Variants in ZBTB44 observed in about 807,000 individuals in gnomAD.
ZBTB44 encodes zinc finger and BTB domain containing 44.
A neutral mutation model predicts 54.0 loss-of-function variants in ZBTB44; 15 were observed. The observed-to-expected ratio is 0.28, with a 90% CI of 0.19 to 0.43. ZBTB44 has a LOEUF of 0.43. Ranked by LOEUF, ZBTB44 falls within the 20% of genes least tolerant of loss-of-function variation. The pLI is 1.00. For missense variants in ZBTB44, 487 were observed against 707.1 expected (o/e 0.69, Z 3.53); for synonymous variants, 230 against 250.1 (o/e 0.92, Z 0.76).
intron 2 of ZBTB44, among the ~76,000 whole-genome samples, chr11:130,247,753 C>A (rs910199854): frequency 1.3e-5 from 2 of 151,986 alleles, no homozygotes; most frequent in African/African-American, 4.8e-5. Flanking sequence ...GAAAAAAAAA[C>A]CCACGTATTT....
intron 1 of ZBTB44, chr11:130,285,620 C>A: frequency 8.2e-6 from 2 of 245,014 alleles, no homozygotes; most frequent in South Asian, 1.3e-4. Flanking sequence ...TCTAAGCTTC[C>A]CATTCTGTTG....
At chr11:130,245,546 G>C (rs1270927244) in intron 2 of ZBTB44, among the ~76,000 whole-genome samples, 1 of 152,178 alleles carries the variant, frequency 6.6e-6, no homozygotes, top group Non-Finnish European at 1.5e-5. Flanking sequence ...ACAGACAAAG[G>C]CTTGCCCCAA....
intron 1 of ZBTB44, among the ~76,000 whole-genome samples, chr11:130,293,726 G>A (rs1941453850): frequency 6.6e-6 from 1 of 152,052 alleles, no homozygotes; most frequent in Admixed American, 6.6e-5. Flanking sequence ...AACCTGGGAG[G>A]CGGAGGTTGC....
rs1266969878 is a variant in ZBTB44 at position 130,227,123 on chromosome 11, A to ATC, written c.*4640_*4641insGA. The ATC allele has an allele frequency of 6.6e-6, 1 of 152,204 alleles. No homozygotes were observed. Among genetic ancestry groups the ATC allele is most frequent in the Non-Finnish European group, 1.5e-5 (1 of 68,040 alleles). 9.4% of individuals were successfully genotyped at this position (152,204 alleles called of 1,614,324 possible). On this transcript the variant is annotated 3_prime_UTR_variant, in exon 8 of 8. Coordinates refer to ENST00000357899, the MANE Select transcript of ZBTB44 (RefSeq NM_001301098.2). ...AAAGGTCACAAAAATATATATATAT[A>ATC]TGTAGTCACCAAGAACTATGGTTCC...
rs1592098641 is a variant in ZBTB44, at chr11:130,314,568, T to G, written c.-250A>C. 7 of 326 alleles carry G rather than the reference T, an allele frequency of 0.021. No homozygotes were observed. The highest frequency in any genetic ancestry group is 0.032 in the Non-Finnish European group (6 of 186). The allele number at this position is 326 out of a possible 1,614,324, so 0.0% of individuals were successfully genotyped here. ...GCCTAGGCCCGTGAGCAGCCTGTGG[T>G]GGGGCATGGCGGCACAGCCACCGGC... On this transcript the variant is annotated 5_prime_UTR_variant, in exon 1 of 8. Transcript: ENST00000357899.
chr11:130,261,735 C>T lies in ZBTB44; in HGVS notation c.139G>A (p.Val47Met). 1.9e-6 allele frequency: 3 copies of T among 1,614,018 alleles called. No homozygotes were observed. The highest frequency in any genetic ancestry group is 2.5e-6 in the Non-Finnish European group (3 of 1,179,900). The change falls in exon 2 of 8, where the codon GTG becomes ATG. Residue 47 changes from valine to methionine, a missense_variant. Coordinates refer to ENST00000357899, the MANE Select transcript of ZBTB44 (RefSeq NM_001301098.2). The surrounding 1 kb of genome is among the most constrained non-coding windows in gnomAD (Gnocchi z 4.8). ...AAATCACTGCAAGCTGCTAGTACCACCTTATGTGCCCGGAAGATTTTGTCC... is the reference window on the plus strand; with the variant it reads ...AAATCACTGCAAGCTGCTAGTACCATCTTATGTGCCCGGAAGATTTTGTCC... Reference protein sequence around the residue: ...VQDKIFRAHKVVLAACSDFFR... With the variant: ...VQDKIFRAHKMVLAACSDFFR...
chr11:130,238,426 CAG>C lies in ZBTB44; in HGVS notation c.1267+16_1267+17del. Reference sequence around the variant, plus strand: ...TTTAGAGCGTTCACTTACGCACCAACAGGGAAGGTGACATTACCTGAGTGGAT... The same window carrying C: ...TTTAGAGCGTTCACTTACGCACCAACGGAAGGTGACATTACCTGAGTGGAT... On this transcript the variant is annotated intron_variant, in intron 4 of 7. Coordinates refer to ENST00000357899, the MANE Select transcript of ZBTB44 (RefSeq NM_001301098.2). 6.3e-7 allele frequency: 1 copy of C among 1,597,222 alleles called. No individual in the cohort carries two copies. The highest frequency in any genetic ancestry group is 1.1e-5 in the South Asian group (1 of 87,998).
At chr11:130,248,737 T>C (rs1196840792) in intron 2 of ZBTB44, among the ~76,000 whole-genome samples, 1 of 152,168 alleles carries the variant, frequency 6.6e-6, no homozygotes, top group Non-Finnish European at 1.5e-5. Flanking sequence ...ATAGAATCCA[T>C]TTATAATAAT....
At chr11:130,271,659 G>A (rs1939679009) in intron 1 of ZBTB44, among the ~76,000 whole-genome samples, 1 of 152,138 alleles carries the variant, frequency 6.6e-6, no homozygotes, top group African/African-American at 2.4e-5. Flanking sequence ...CATGTATCAT[G>A]CCTCATTTAC....
Position 130,236,671 on chromosome 11 carries a change from C to G in ZBTB44, c.1568+122G>C, listed in dbSNP as rs1002816239. The stretch of plus-strand genomic sequence containing the variant: ...AGATTAGAGTATGAACAGTGGGAAT[C>G]CGTAACAAATGTGACTGACTAGCTG... On this transcript the variant is annotated intron_variant, in intron 5 of 7. Transcript: ENST00000357899. 9.5e-6 allele frequency: 10 copies of G among 1,048,554 alleles called. No homozygotes were observed. The African/African-American group carries it at 1.5e-4, about 16-fold the overall frequency. The allele number at this position is 1,048,554 out of a possible 1,614,324, so 65.0% of individuals were successfully genotyped here. A position where few individuals can be genotyped will look rare whatever the true frequency, so the allele number is the denominator to read the frequency against.
intron 3 of ZBTB44, chr11:130,239,449 C>A: frequency 4.4e-6 from 1 of 229,326 alleles, no homozygotes. Flanking sequence ...CAGTCTGTTT[C>A]AACCACTCAA....
chr11:130,240,643 C>T (rs1020199138), intron 2 of ZBTB44, among the ~76,000 whole-genome samples: 2 of 152,214 alleles, frequency 1.3e-5, no homozygotes, highest in African/African-American at 2.4e-5. Context: ...CACGAAAGCA[C>T]GGCCAGCATC....
At chr11:130,296,954 T>C in intron 1 of ZBTB44, 2 of 746,160 alleles carry the variant, frequency 2.7e-6, no homozygotes, top group Admixed American at 1.9e-5. Flanking sequence ...AGCGAGGAGG[T>C]GGTGGTGGAT....
At chr11:130,311,263 GT>G (rs1428459415) in intron 1 of ZBTB44, among the ~76,000 whole-genome samples, 1 of 151,424 alleles carries the variant, frequency 6.6e-6, no homozygotes, top group East Asian at 1.9e-4. Flanking sequence ...CTGAAGTGCA[GT>G]GGGGTATGAA....
chr11:130,282,273 AAC>A (rs1439649604), intron 1 of ZBTB44, among the ~76,000 whole-genome samples: 3 of 152,184 alleles, frequency 2.0e-5, no homozygotes, highest in Non-Finnish European at 4.4e-5. Context: ...CCCACAGTGA[AAC>A]ACAGTACTCA....
chr11:130,251,415 G>T (rs1937990587), intron 2 of ZBTB44, among the ~76,000 whole-genome samples: 1 of 152,048 alleles, frequency 6.6e-6, no homozygotes, highest in Non-Finnish European at 1.5e-5. Flanking sequence ...AGCAACACAG[G>T]CCAACATTCA....
At chr11:130,250,131 A>G (rs1004175137) in intron 2 of ZBTB44, among the ~76,000 whole-genome samples, 6 of 152,208 alleles carry the variant, frequency 3.9e-5, no homozygotes, top group African/African-American at 1.4e-4. Flanking sequence ...TTCCCCTGAC[A>G]GCGCTAAAAA....
chr11:130,255,919 A>ATC (rs1181227702), intron 2 of ZBTB44, among the ~76,000 whole-genome samples: 7,363 of 131,408 alleles, frequency 0.056, 478 homozygotes, highest in African/African-American at 0.16. Flanking sequence ...AAAAAAAAAA[A>ATC]AACACCCCTT....
chr11:130,272,266 C>T (rs1383208543), intron 1 of ZBTB44, among the ~76,000 whole-genome samples: 1 of 152,130 alleles, frequency 6.6e-6, no homozygotes, highest in Admixed American at 6.5e-5. Flanking sequence ...TCTGATTTCT[C>T]CACATCCTCA....
Sources: allele counts gnomAD v4.1 joint callset (sites outside exome capture counted in the v4.1 genomes callset), GRCh38; gene constraint gnomAD v4.1.1; non-coding constraint Gnocchi (gnomAD v3.1); transcripts MANE v1.5; gene names NCBI Gene and HGNC (gene_info 2026-07-23, HGNC 2026-07-21).